The following IGSF22 variants were observed in gnomAD, a reference collection of about 807,000 sequenced individuals.
IGSF22 encodes the protein immunoglobulin superfamily member 22.
Under a neutral mutation model 127.0 loss-of-function variants are expected in IGSF22, and 119 were observed. That is an observed-to-expected ratio of 0.94 (90% CI 0.81 to 1.09). The LOEUF (loss-of-function observed/expected upper bound fraction) is 1.09, where lower values mean the gene tolerates loss of function less well. IGSF22 is among the 50% of genes least tolerant of loss of function. The probability of loss-of-function intolerance (pLI) is 0.00; values close to 1 mark genes in which losing one functional copy is unlikely to be tolerated. For synonymous variants in IGSF22, 568 were observed against 664.7 expected, an observed-to-expected ratio of 0.85 and a Z score of 2.24; for missense variants, 1,518 against 1,716.6, an observed-to-expected ratio of 0.88 and a Z score of 2.04.
intron 2 of IGSF22, among the ~76,000 whole-genome samples, chr11:18,722,262 C>G (rs1848588457): frequency 6.6e-6 from 1 of 152,074 alleles, no homozygotes; most frequent in Non-Finnish European, 1.5e-5. Context: ...TTTCCCACAC[C>G]TCAGTGGTCC....
At chr11:18,706,711 TC>T in intron 21 of IGSF22, 1 of 502,286 alleles carries the variant, frequency 2.0e-6, no homozygotes, top group East Asian at 3.2e-5. Flanking sequence ...CAAAGGTACC[TC>T]CCCACCTCCA....
Position 18,720,300 on chromosome 11 carries a change from G to A in IGSF22, c.379-15C>T, listed in dbSNP as rs11024770. 3.7e-6 allele frequency: 6 copies of A among 1,607,226 alleles called. No homozygotes were observed. The Middle Eastern group carries it at 8.4e-4, about 224-fold the overall frequency. On this transcript the variant is annotated splice_polypyrimidine_tract_variant and intron_variant, in intron 4 of 22. Transcript: ENST00000513874. ...AGTGGCTCCAGCTGGATCAAAGTCC[G>A]GCCATTAGTGGGGGAAGGAAAAGGA...
chr11:18,721,478 C>T, intron 4 of IGSF22, 57 bp downstream of exon 4: 1 of 1,612,328 alleles, frequency 6.2e-7, no homozygotes, highest in Non-Finnish European at 8.5e-7. Flanking sequence ...GCGGCCCGCC[C>T]TGGGGGTCCC....
chr11:18,722,061 G>A lies in IGSF22; in HGVS notation c.110-20C>T, dbSNP rs758559119. ...CCTCCTCTGTGGGGGCAGGCGAGAG[G>A]TCAGAATGGGCTCCAGGTAGAAGCC... is the stretch of plus-strand genomic sequence containing the variant. On this transcript the variant is annotated intron_variant, in intron 2 of 22. Transcript: ENST00000513874. 1 of 1,613,058 alleles carries A rather than the reference G, an allele frequency of 6.2e-7. No homozygotes were observed. The highest frequency in any genetic ancestry group is 1.1e-5 in the South Asian group (1 of 91,084).
intron 4 of IGSF22, 45 bp from the exon 5 acceptor site, chr11:18,720,330 C>T (rs1051292699): frequency 3.3e-6 from 5 of 1,496,438 alleles, no homozygotes; most frequent in Admixed American, 1.7e-5. Flanking sequence ...AAAGGAACCA[C>T]AGGGAGACTT....
rs1056237618 is a variant in IGSF22, at chr11:18,712,285, G to T, written c.2195C>A (p.Pro732His). Residue 732 changes from proline (P) to histidine (H), a missense_variant, in exon 15 of 23, where the codon CCT (proline) becomes CAT (histidine). By Grantham distance (77) the Pro-to-His change is moderately conservative. This residue lies in a region of IGSF22 where 1,456 missense variants were observed against 1,644.9 expected (regional missense o/e 0.89). Coordinates refer to ENST00000513874, the MANE Select transcript of IGSF22 (RefSeq NM_173588.4). ...WKAPKDNGGR[P>H]VTQFIVERRA... ...CCGTTCCACTATGAACTGTGTCACA[G>T]GTCGTCCACCATTGTCCTTTGGGGC... 6 of 1,551,576 alleles carry T rather than the reference G, an allele frequency of 3.9e-6. No individual in the cohort carries two copies. The highest frequency in any genetic ancestry group is 1.4e-5 in the African/African-American group (1 of 73,040).
chr11:18,712,220 C>T lies in IGSF22; in HGVS notation c.2260G>A (p.Val754Met). Residue 754 changes from valine (V) to methionine (M), a missense_variant, in exon 15 of 23, where the codon GTG (valine) becomes ATG (methionine). By Grantham distance (21) the Val-to-Met change is conservative. Transcript: ENST00000513874. ...GKKSWIKIGEVDGKVTNFSTN... is the reference protein window; with the variant it reads ...GKKSWIKIGEMDGKVTNFSTN... The stretch of plus-strand genomic sequence containing the variant: ...GAGAAGTTGGTGACTTTGCCGTCCA[C>T]CTCGCCTATCTTAATCCAGGACTTC... The T allele has an allele frequency of 6.4e-7, 1 of 1,551,744 alleles. No homozygotes were observed. The highest frequency in any genetic ancestry group is 2.0e-5 in the Admixed American group (1 of 51,006).
intron 7 of IGSF22, among the ~76,000 whole-genome samples, 189 bp downstream of exon 7, chr11:18,719,527 A>G (rs1848528718): frequency 1.3e-5 from 2 of 152,096 alleles, no homozygotes; most frequent in Non-Finnish European, 2.9e-5. Context: ...TATGTTTGGG[A>G]GTGGTGAAGA....
At position 18,724,240 on chromosome 11, in the gene IGSF22, G is replaced by A. The variant is rs1848617642; in HGVS notation, c.-4C>T. 1 of 1,611,786 alleles carries A rather than the reference G, an allele frequency of 6.2e-7. No homozygotes were observed. Among genetic ancestry groups the A allele is most frequent in the Non-Finnish European group, 8.5e-7 (1 of 1,178,158 alleles). On this transcript the variant is annotated 5_prime_UTR_variant, in exon 2 of 23. Coordinates refer to ENST00000513874, the MANE Select transcript of IGSF22 (RefSeq NM_173588.4). Reference sequence around the variant, plus strand: ...GCCGGCTGTGAATGGTTGTCATGGTGACAGCAGGCGTGGGCACTCACCTGT... The same window carrying A: ...GCCGGCTGTGAATGGTTGTCATGGTAACAGCAGGCGTGGGCACTCACCTGT...
At chr11:18,724,972 A>G (rs968301422) in intron 1 of IGSF22, among the ~76,000 whole-genome samples, 4 of 151,790 alleles carry the variant, frequency 2.6e-5, no homozygotes, top group Admixed American at 6.6e-5. Flanking sequence ...CATCATGCAA[A>G]TAGGAAAACT....
chr11:18,704,724 C>T (rs1027521081), intron 22 of IGSF22, 186 bp from the exon 23 acceptor site: 1 of 592,342 alleles, frequency 1.7e-6, no homozygotes, highest in Non-Finnish European at 3.0e-6. Flanking sequence ...GACATTGTGC[C>T]AGGCAGTTGT....
intron 4 of IGSF22, 90 bp downstream of exon 4, chr11:18,721,445 G>A: frequency 1.3e-6 from 2 of 1,553,940 alleles, no homozygotes; most frequent in South Asian, 2.2e-5. Flanking sequence ...CCGCCGTTAA[G>A]GCTCTCATCG....
At chr11:18,723,896 ATGAT>A (rs1848611107) in intron 2 of IGSF22, among the ~76,000 whole-genome samples, 1 of 152,232 alleles carries the variant, frequency 6.6e-6, no homozygotes, top group Admixed American at 6.5e-5. Context: ...ACACATCCAC[ATGAT>A]TGATCTTTTC....
intron 22 of IGSF22, among the ~76,000 whole-genome samples, chr11:18,705,094 C>T (rs1428028798): frequency 6.6e-6 from 1 of 150,746 alleles, no homozygotes; most frequent in Non-Finnish European, 1.5e-5. Flanking sequence ...ACCATGGAGA[C>T]CACAGCAATG....
chr11:18,719,446 C>T (rs1159497807), intron 7 of IGSF22, among the ~76,000 whole-genome samples: 22 of 152,236 alleles, frequency 1.4e-4, no homozygotes, highest in Admixed American at 2.6e-4. Context: ...GGATTACAGG[C>T]GTGAGCCACT....
intron 8 of IGSF22, 26 bp downstream of exon 8, chr11:18,718,589 G>T: frequency 7.7e-7 from 1 of 1,307,136 alleles, no homozygotes; most frequent in Non-Finnish European, 1.1e-6. Flanking sequence ...TATTGCCAAG[G>T]TGGACCCTGG....
Position 18,724,846 on chromosome 11 carries a change from T to TA in IGSF22, c.-33-578dup, listed in dbSNP as rs1441380234. Among the ~76,000 whole-genome samples the TA allele has an allele frequency of 5.3e-5, 8 of 152,092 alleles. No homozygotes were observed. The East Asian group carries it at 1.5e-3, about 29-fold the overall frequency. On this transcript the variant is annotated intron_variant, in intron 1 of 22. Coordinates refer to ENST00000513874, the MANE Select transcript of IGSF22 (RefSeq NM_173588.4). ...TGAACTGGTAATTCAATCACATAGT[T>TA]AAAGAATAAAACAATATAAAAATCC...
At chr11:18,708,857 C>T (rs1243969671) in intron 18 of IGSF22, among the ~76,000 whole-genome samples, 1 of 152,180 alleles carries the variant, frequency 6.6e-6, no homozygotes, top group Admixed American at 6.5e-5. Flanking sequence ...TTGCAACTCC[C>T]CAGCTGCTCC....
At position 18,707,100 on chromosome 11, in the gene IGSF22, T is replaced by C. The variant is rs1299035931; in HGVS notation, c.3394A>G (p.Ile1132Val). The change falls in exon 21 of 23, where the codon ATC (isoleucine) becomes GTC (valine). Residue 1132 changes from isoleucine to valine, a missense_variant. Physicochemically the swap from Ile to Val is conservative, Grantham distance 29. Around this residue, in one of 3 missense-constraint regions of IGSF22, gnomAD observed 1,456 missense variants for 1,644.9 expected, o/e 0.89. Coordinates refer to ENST00000513874, the MANE Select transcript of IGSF22 (RefSeq NM_173588.4). ...VQEDGEAHYI[I>V]MKRDASTATW... ...GCTGTGCTTGCATCCCGCTTCATGATGATGTAGTGAGCCTCACCGTCCTCC... is the reference window on the plus strand; with the variant it reads ...GCTGTGCTTGCATCCCGCTTCATGACGATGTAGTGAGCCTCACCGTCCTCC... 1.3e-6 allele frequency: 2 copies of C among 1,551,722 alleles called. No homozygotes were observed. Among genetic ancestry groups the C allele is most frequent in the Non-Finnish European group, 1.7e-6 (2 of 1,146,984 alleles).
Sources: gnomAD v4.1 joint callset for allele counts (sites outside exome capture counted in the v4.1 genomes callset) on GRCh38, gnomAD v4.1.1 for gene constraint, gnomAD v4.1.1 regional missense constraint, MANE v1.5 for transcripts, NCBI Gene and HGNC (gene_info 2026-07-23, HGNC 2026-07-21) for gene names.